CLCN1: variants seen among roughly 807,000 people sequenced by gnomAD.
The protein encoded by CLCN1 is chloride voltage-gated channel 1.
CLCN1 carries 100 observed loss-of-function variants against 114.5 expected under a neutral mutation model. The observed-to-expected ratio is 0.87, with a 90% CI of 0.74 to 1.03. The LOEUF is 1.03. CLCN1 is among the 50% of genes least tolerant of loss of function. The pLI, the probability that CLCN1 is intolerant of heterozygous loss-of-function variation, is 0.00. For synonymous variants in CLCN1, 485 were observed against 487.1 expected (o/e 1.00, Z 0.06); for missense variants, 1,188 against 1,250.0 (o/e 0.95, Z 0.75).
At chr7:143,333,854 CT>C (rs1376448917) in intron 12 of CLCN1, among the ~76,000 whole-genome samples, 2 of 152,180 alleles carry the variant, frequency 1.3e-5, no homozygotes, top group African/African-American at 4.8e-5. Context: ...TATTTATAGA[CT>C]TCTCAATTAC....
In CLCN1 at chr7:143,351,793, C is replaced by T. The variant is rs80356706; in HGVS notation, c.2795C>T (p.Pro932Leu). The change falls in exon 23 of 23, where the codon CCA becomes CTA. Residue 932 changes from proline (P) to leucine (L), a missense_variant. Transcript: ENST00000343257. ...GCTGCCTCCCCAGAGACCCCTGTGC[C>T]ATCTCCTTCCCCAGAGCCCCCTCTC... Reference protein sequence around the residue: ...VIAASPETPVPSPSPEPPLSL... With the variant: ...VIAASPETPVLSPSPEPPLSL... The T allele has an allele frequency of 6.6e-5, 107 of 1,614,150 alleles. No individual in the cohort carries two copies. In the African/African-American group the frequency reaches 1.1e-3, roughly 16 times the overall value.
chr7:143,320,600 T>C (rs902481542), intron 2 of CLCN1, 64 bp from the exon 3 acceptor site: 3 of 1,367,170 alleles, frequency 2.2e-6, no homozygotes, highest in African/African-American at 2.9e-5. Flanking sequence ...TCTACATATA[T>C]ATATTTTTGT....
intron 14 of CLCN1, among the ~76,000 whole-genome samples, chr7:143,341,228 G>A (rs1266212537): frequency 6.8e-6 from 1 of 146,018 alleles, no homozygotes; most frequent in Non-Finnish European, 1.5e-5. Context: ...TAAAGCCCAA[G>A]GTAAAAAAAA....
Position 143,350,293 on chromosome 7 carries a change from G to A in CLCN1, c.2404-79G>A. On this transcript the variant is annotated intron_variant, in intron 20 of 22. Coordinates refer to ENST00000343257, the MANE Select transcript of CLCN1 (RefSeq NM_000083.3). The surrounding 1 kb of genome is among the most constrained non-coding windows in gnomAD (Gnocchi z 5.1). ...CAGATTCTGGGCAGCGGCTAGGAGG[G>A]CCGTTTGGGGTCAAAATCAGGTATC... 1 of 1,092,558 alleles carries A rather than the reference G, an allele frequency of 9.2e-7. No homozygotes were observed. The highest frequency in any genetic ancestry group is 1.3e-5 in the South Asian group (1 of 76,364). 67.7% of individuals were successfully genotyped at this position (1,092,558 alleles called of 1,614,324 possible).
At chr7:143,320,550 C>A in intron 2 of CLCN1, 114 bp from the exon 3 acceptor site, 1 of 844,508 alleles carries the variant, frequency 1.2e-6, no homozygotes, top group Non-Finnish European at 1.8e-6. Context: ...TCGTTAGCTG[C>A]TTTTCTCTCT....
intron 7 of CLCN1, among the ~76,000 whole-genome samples, chr7:143,325,614 C>T (rs1802554612): frequency 6.6e-6 from 1 of 152,194 alleles, no homozygotes; most frequent in South Asian, 2.1e-4. Flanking sequence ...CATTTATACC[C>T]ACTTTTGCCT....
Position 143,345,764 on chromosome 7 carries a change from T to C in CLCN1, c.2172+2T>C. On this transcript the variant is annotated splice_donor_variant, in intron 17 of 22. Transcript: ENST00000343257. LOFTEE classifies it high-confidence loss of function. ...GAAGACCTCTCTGGCAAGAGCGAGG[T>C]GACCGCGCCGGGAAGGGCTAGGGAG... is the stretch of plus-strand genomic sequence containing the variant. 6.2e-7 allele frequency: 1 copy of C among 1,601,540 alleles called. No homozygotes were observed. Among genetic ancestry groups the C allele is most frequent in the Non-Finnish European group, 8.5e-7 (1 of 1,174,952 alleles).
intron 6 of CLCN1, 144 bp downstream of exon 6, chr7:143,323,530 T>C: frequency 1.4e-6 from 1 of 728,708 alleles, no homozygotes; most frequent in Non-Finnish European, 2.5e-6. Flanking sequence ...CCCTTCCTCG[T>C]CTCCCTGTCT....
intron 14 of CLCN1, among the ~76,000 whole-genome samples, chr7:143,340,847 A>C (rs1416941500): frequency 6.6e-6 from 1 of 152,162 alleles, no homozygotes; most frequent in Non-Finnish European, 1.5e-5. Flanking sequence ...TTTTCTTGTT[A>C]CATTTTCATA....
chr7:143,321,627 C>A lies in CLCN1; in HGVS notation c.563-88C>A. Reference sequence around the variant, plus strand: ...CCTCCCCACCACTGCCTCTTCAGCCCTCTCCAATTCCCATTCCCATATTCT... The same window carrying A: ...CCTCCCCACCACTGCCTCTTCAGCCATCTCCAATTCCCATTCCCATATTCT... On this transcript the variant is annotated intron_variant, in intron 4 of 22. Transcript: ENST00000343257. The surrounding 1 kb of genome is among the most constrained non-coding windows in gnomAD (Gnocchi z 4.2). 1 of 1,606,306 alleles carries A rather than the reference C, an allele frequency of 6.2e-7. No homozygotes were observed. Among genetic ancestry groups the A allele is most frequent in the South Asian group, 1.1e-5 (1 of 90,854 alleles).
At position 143,339,605 on chromosome 7, in the gene CLCN1, G is replaced by A; in HGVS notation, c.1566G>A (p.Gly522=). 2.5e-6 allele frequency: 4 copies of A among 1,605,588 alleles called. No individual in the cohort carries two copies. The highest frequency in any genetic ancestry group is 3.4e-6 in the Non-Finnish European group (4 of 1,172,256). The change falls in exon 14 of 23, where the codon GGG becomes GGA. Residue 522 remains glycine (G), a synonymous_variant. Transcript: ENST00000343257. This position sits in a 1 kb window ranked among gnomAD's most constrained non-coding sequence, Gnocchi z 4.1. ...FDDIIYKILP[G]GYAVIGAAAL... is the part of the protein sequence containing the mutation. Reference sequence around the variant, plus strand: ...ACATCATCTACAAGATCCTACCTGGGGGCTATGCAGTAATTGGTGAGAAAC... The same window carrying A: ...ACATCATCTACAAGATCCTACCTGGAGGCTATGCAGTAATTGGTGAGAAAC...
At chr7:143,336,065 G>A (rs1802878009) in intron 12 of CLCN1, among the ~76,000 whole-genome samples, 1 of 152,156 alleles carries the variant, frequency 6.6e-6, no homozygotes, top group Admixed American at 6.5e-5. Flanking sequence ...CTTTTACAAT[G>A]AGTATGAATA....
intron 7 of CLCN1, among the ~76,000 whole-genome samples, chr7:143,326,484 G>A (rs1342344195): frequency 1.3e-5 from 2 of 152,180 alleles, no homozygotes; most frequent in Non-Finnish European, 2.9e-5. Context: ...CTAGTTGAGA[G>A]GCTGGACAGG....
chr7:143,321,493 G>A lies in CLCN1; in HGVS notation c.562G>A (p.Gly188Ser), dbSNP rs1302735361. ...CCACCTCATCTCTCCCCAGGCTGTT[G>A]GTGAGAACTTGCCACCAGACTCGGC... ...FCHLISPQAV[G>S]SGIPEMKTIL... Residue 188 changes from glycine to serine, a missense_variant and splice_region_variant, in exon 4 of 23, where the codon GGC becomes AGC. Coordinates refer to ENST00000343257, the MANE Select transcript of CLCN1 (RefSeq NM_000083.3). The surrounding 1 kb of genome is among the most constrained non-coding windows in gnomAD (Gnocchi z 4.2). 6.2e-7 allele frequency: 1 copy of A among 1,613,952 alleles called. No homozygotes were observed. The highest frequency in any genetic ancestry group is 2.2e-5 in the East Asian group (1 of 44,880).
chr7:143,330,653 A>C, intron 7 of CLCN1, 119 bp from the exon 8 acceptor site: 1 of 1,326,608 alleles, frequency 7.5e-7, no homozygotes, highest in African/African-American at 1.4e-5. Context: ...ATTACTTTCC[A>C]CTACTGCTTC....
At chr7:143,336,728 T>C (rs1802913605) in intron 12 of CLCN1, among the ~76,000 whole-genome samples, 1 of 152,108 alleles carries the variant, frequency 6.6e-6, no homozygotes, top group African/African-American at 2.4e-5. Context: ...TTCTGGATCT[T>C]TTCTTTCACG....
In CLCN1 at chr7:143,332,749, C is replaced by G; in HGVS notation, c.1277C>G (p.Thr426Ser). ...TTGATGCCCCGCGAAGCCATCAGTACTTTGTTTGACAACAATACATGGGTG... is the reference window on the plus strand; with the variant it reads ...TTGATGCCCCGCGAAGCCATCAGTAGTTTGTTTGACAACAATACATGGGTG... ...GELMPREAISTLFDNNTWVKH... is the reference protein window; with the variant it reads ...GELMPREAISSLFDNNTWVKH... Residue 426 changes from threonine (T) to serine (S), a missense_variant, in exon 12 of 23, where the codon ACT (threonine) becomes AGT (serine). Thr to Ser is a moderately conservative substitution (Grantham distance 58). Transcript: ENST00000343257. 6.2e-7 allele frequency: 1 copy of G among 1,614,234 alleles called. No homozygotes were observed. Among genetic ancestry groups the G allele is most frequent in the South Asian group, 1.1e-5 (1 of 91,086 alleles).
chr7:143,327,022 C>T (rs1005739218), intron 7 of CLCN1, among the ~76,000 whole-genome samples: 7 of 151,946 alleles, frequency 4.6e-5, no homozygotes, highest in South Asian at 2.1e-4. Flanking sequence ...CCAAGGCAGG[C>T]GGATCATGAG....
Position 143,332,780 on chromosome 7 carries a change from C to G in CLCN1, c.1308C>G (p.His436Gln). The part of the protein sequence containing the change: ...TLFDNNTWVK[H>Q]AGDPESLGQS... Reference sequence around the variant, plus strand: ...TTGACAACAATACATGGGTGAAACACGCGGGTGATCCTGAGAGCCTGGGCC... The same window carrying G: ...TTGACAACAATACATGGGTGAAACAGGCGGGTGATCCTGAGAGCCTGGGCC... Residue 436 changes from histidine to glutamine, a missense_variant, in exon 12 of 23, where the codon CAC becomes CAG. Physicochemically the swap from His to Gln is conservative, Grantham distance 24. Transcript: ENST00000343257. The G allele has an allele frequency of 6.2e-7, 1 of 1,614,128 alleles. No homozygotes were observed. The highest frequency in any genetic ancestry group is 8.5e-7 in the Non-Finnish European group (1 of 1,179,972).
Sources: gnomAD v4.1 joint callset for allele counts (sites outside exome capture counted in the v4.1 genomes callset) on GRCh38, gnomAD v4.1.1 for gene constraint, Gnocchi (gnomAD v3.1) non-coding constraint, MANE v1.5 for transcripts, NCBI Gene and HGNC (gene_info 2026-07-23, HGNC 2026-07-21) for gene names.